Variants in ACBD3 observed in about 807,000 individuals in gnomAD.
The protein encoded by ACBD3 is acyl-CoA binding domain containing 3.
Under a neutral mutation model 66.9 loss-of-function variants are expected in ACBD3, and 30 were observed. That is an observed-to-expected ratio of 0.45 (90% CI 0.34 to 0.61). The LOEUF is 0.61. ACBD3 is among the 20% of genes least tolerant of loss of function. ACBD3 has a pLI of 0.02. For synonymous variants in ACBD3, 278 were observed against 259.8 expected (o/e 1.07, Z -0.68); for missense variants, 544 against 664.5 (o/e 0.82, Z 1.99).
intron 1 of ACBD3, among the ~76,000 whole-genome samples, chr1:226,185,749 A>G (rs1391344498): frequency 6.6e-6 from 1 of 152,220 alleles, no homozygotes; most frequent in Non-Finnish European, 1.5e-5. Flanking sequence ...CATTGCTTAC[A>G]ATGTAAAATT....
chr1:226,169,848 C>T (rs992944454), intron 1 of ACBD3, among the ~76,000 whole-genome samples: 2 of 151,326 alleles, frequency 1.3e-5, no homozygotes, highest in African/African-American at 2.4e-5. Flanking sequence ...ATGGCAAAAC[C>T]CTCTCTCTAC....
Position 226,186,530 on chromosome 1 carries a change from C to T in ACBD3, c.146G>A (p.Arg49His). 14 of 1,387,028 alleles carry T rather than the reference C, an allele frequency of 1.0e-5. No homozygotes were observed. Among genetic ancestry groups the T allele is most frequent in the Non-Finnish European group, 1.3e-5 (14 of 1,076,674 alleles). 85.9% of individuals were successfully genotyped at this position (1,387,028 alleles called of 1,614,324 possible). A position where few individuals can be genotyped will look rare whatever the true frequency, so the allele number is the denominator to read the frequency against. ...CTGCTCCCCTGAGGCGCCCGGGCCGCGACCGGATCCAGGTGGCGAGGGCGG... is the reference window on the plus strand; with the variant it reads ...CTGCTCCCCTGAGGCGCCCGGGCCGTGACCGGATCCAGGTGGCGAGGGCGG... ...LPPPSPPGSG[R>H]GPGASGEQPE... Residue 49 changes from arginine (R) to histidine (H), a missense_variant, in exon 1 of 8, where the codon CGC (arginine) becomes CAC (histidine). By Grantham distance (29) the Arg-to-His change is conservative (BLOSUM62 0). Around this residue, in one of 3 missense-constraint regions of ACBD3, gnomAD observed 137 missense variants for 145.9 expected, o/e 0.94. Coordinates refer to ENST00000366812, the MANE Select transcript of ACBD3 (RefSeq NM_022735.4).
At chr1:226,183,888 A>C (rs1656232274) in intron 1 of ACBD3, among the ~76,000 whole-genome samples, 2 of 150,616 alleles carry the variant, frequency 1.3e-5, no homozygotes, top group African/African-American at 4.9e-5. Flanking sequence ...CTGCCTAAAA[A>C]AAAAAAAAAA....
At chr1:226,171,445 G>A (rs1311603397) in intron 1 of ACBD3, among the ~76,000 whole-genome samples, 1 of 152,068 alleles carries the variant, frequency 6.6e-6, no homozygotes, top group African/African-American at 2.4e-5. Flanking sequence ...CACTGTGCCT[G>A]GTCGAGTTTC....
At chr1:226,173,220 A>G (rs1394381997) in intron 1 of ACBD3, among the ~76,000 whole-genome samples, 1 of 151,890 alleles carries the variant, frequency 6.6e-6, no homozygotes, top group Non-Finnish European at 1.5e-5. Context: ...GTGGTGAGCC[A>G]TGATGGTGCC....
At chr1:226,182,393 G>A (rs1656191413) in intron 1 of ACBD3, among the ~76,000 whole-genome samples, 2 of 152,094 alleles carry the variant, frequency 1.3e-5, no homozygotes, top group Non-Finnish European at 2.9e-5. Context: ...GAGGCGGGGA[G>A]ATCATTTGGG....
At chr1:226,152,022 T>C (rs531701739) in intron 7 of ACBD3, among the ~76,000 whole-genome samples, 3 of 151,926 alleles carry the variant, frequency 2.0e-5, no homozygotes, top group African/African-American at 7.3e-5. Flanking sequence ...AAAAAAAATT[T>C]TTTTTGAAGT....
chr1:226,186,380 C>G lies in ACBD3; in HGVS notation c.286+10G>C, dbSNP rs1656307742. ...GCAGAAGCGGCGGGGGTGGGGCTGGCCCGGCTCACCTTTGAAGAAGCGCAG... is the reference window on the plus strand; with the variant it reads ...GCAGAAGCGGCGGGGGTGGGGCTGGGCCGGCTCACCTTTGAAGAAGCGCAG... On this transcript the variant is annotated intron_variant, in intron 1 of 7. Coordinates refer to ENST00000366812, the MANE Select transcript of ACBD3 (RefSeq NM_022735.4). 6.0e-6 allele frequency: 9 copies of G among 1,511,790 alleles called. No homozygotes were observed. The highest frequency in any genetic ancestry group is 8.0e-6 in the Non-Finnish European group (9 of 1,130,014). 93.6% of individuals were successfully genotyped at this position (1,511,790 alleles called of 1,614,324 possible).
At chr1:226,174,009 C>T (rs1482991020) in intron 1 of ACBD3, among the ~76,000 whole-genome samples, 2 of 151,980 alleles carry the variant, frequency 1.3e-5, no homozygotes, top group East Asian at 1.9e-4. Context: ...GGTAATCCGC[C>T]TGCCTCAGAG....
At chr1:226,177,186 G>A (rs1206024860) in intron 1 of ACBD3, among the ~76,000 whole-genome samples, 2 of 121,352 alleles carry the variant, frequency 1.6e-5, no homozygotes, top group South Asian at 2.7e-4. Flanking sequence ...TTTTTTTTTA[G>A]ACGGAGTCTT....
chr1:226,161,437 C>T, intron 4 of ACBD3, 94 bp downstream of exon 4: 5 of 1,547,032 alleles, frequency 3.2e-6, no homozygotes, highest in Non-Finnish European at 4.4e-6. Context: ...GGATTACAGG[C>T]GTGAACCACC....
rs759069785 is a variant in ACBD3, at chr1:226,146,580, C to T, written c.*30G>A. The T allele has an allele frequency of 1.9e-6, 3 of 1,588,978 alleles. No homozygotes were observed. The Admixed American group carries it at 5.0e-5, about 27-fold the overall frequency. ...AAATTAAATGTCATCTTCTGCCCAA[C>T]CCTAGACTCCAGACTTTGTAACAAC... is the stretch of plus-strand genomic sequence containing the variant. On this transcript the variant is annotated 3_prime_UTR_variant, in exon 8 of 8. Coordinates refer to ENST00000366812, the MANE Select transcript of ACBD3 (RefSeq NM_022735.4).
chr1:226,165,770 A>G, intron 2 of ACBD3, 89 bp downstream of exon 2: 2 of 1,430,092 alleles, frequency 1.4e-6, no homozygotes, highest in Non-Finnish European at 1.9e-6. Context: ...TAAGCTAATG[A>G]ACCAGCTACT....
intron 1 of ACBD3, among the ~76,000 whole-genome samples, chr1:226,175,259 C>G (rs910736160): frequency 6.6e-6 from 1 of 152,070 alleles, no homozygotes; most frequent in Non-Finnish European, 1.5e-5. Flanking sequence ...GTCTCATGCA[C>G]TCTTTTCACA....
intron 1 of ACBD3, among the ~76,000 whole-genome samples, chr1:226,174,779 CAAAA>C (rs1318734293): frequency 1.3e-5 from 2 of 150,066 alleles, no homozygotes; most frequent in African/African-American, 4.9e-5. Context: ...AACAAACAAA[CAAAA>C]AAAGAATACT....
intron 1 of ACBD3, among the ~76,000 whole-genome samples, chr1:226,184,141 C>T (rs573005695): frequency 6.6e-6 from 1 of 152,116 alleles, no homozygotes; most frequent in Admixed American, 6.6e-5. Flanking sequence ...CAGTGAGCCC[C>T]GAGATGGCAC....
At chr1:226,150,662 C>T (rs780959232) in intron 7 of ACBD3, among the ~76,000 whole-genome samples, 1 of 152,194 alleles carries the variant, frequency 6.6e-6, no homozygotes, top group Admixed American at 6.5e-5. Context: ...CAGGCGTGAG[C>T]CACCGCGTCC....
intron 1 of ACBD3, among the ~76,000 whole-genome samples, chr1:226,171,897 T>G (rs1435645777): frequency 6.6e-6 from 1 of 151,884 alleles, no homozygotes; most frequent in South Asian, 2.1e-4. Context: ...GGCTCATGCC[T>G]GTAATCCCGG....
Position 226,186,670 on chromosome 1 carries a change from C to T in ACBD3, c.6G>A (p.Ala2=), listed in dbSNP as rs763725554. Residue 2 remains alanine (A), a synonymous_variant, in exon 1 of 8, where the codon GCG becomes GCA. Transcript: ENST00000366812. ...CGAGTCGCTCTGCGTTCAGCACCGC[C>T]GCCATCTCCGGCTGCTGCACCTCCT... M[A]AVLNAERLEV... is the part of the protein sequence containing the mutation. 6.7e-7 allele frequency: 1 copy of T among 1,502,604 alleles called. No individual in the cohort carries two copies. The highest frequency in any genetic ancestry group is 8.8e-7 in the Non-Finnish European group (1 of 1,131,376). 93.1% of individuals were successfully genotyped at this position (1,502,604 alleles called of 1,614,324 possible). A position where few individuals can be genotyped will look rare whatever the true frequency, so the allele number is the denominator to read the frequency against.
Sources: allele counts gnomAD v4.1 joint callset (sites outside exome capture counted in the v4.1 genomes callset), GRCh38; gene constraint gnomAD v4.1.1; regional missense constraint gnomAD v4.1.1; transcripts MANE v1.5; gene names NCBI Gene and HGNC (gene_info 2026-07-23, HGNC 2026-07-21).